The following DNAJC24 variants were observed in gnomAD, a reference collection of about 807,000 sequenced individuals.
The protein encoded by DNAJC24 is dnaJ homolog subfamily C member 24.
DNAJC24 carries 17 observed loss-of-function variants against 18.0 expected under a neutral mutation model. That is an observed-to-expected ratio of 0.94 (90% CI 0.65 to 1.42). DNAJC24 has a LOEUF of 1.42. Among genes scored for constraint, DNAJC24 ranks in the 40% most tolerant of loss-of-function variants. The pLI, the probability that DNAJC24 is intolerant of heterozygous loss-of-function variation, is 0.00. For missense variants in DNAJC24, 158 were observed against 175.6 expected, an observed-to-expected ratio of 0.90 and a Z score of 0.57; for synonymous variants, 55 against 57.7, an observed-to-expected ratio of 0.95 and a Z score of 0.21.
chr11:31,426,646 C>T (rs1374621089), intron 4 of DNAJC24: 6 of 259,644 alleles, frequency 2.3e-5, no homozygotes, highest in Non-Finnish European at 7.2e-6. Context: ...TTAGTTTTTG[C>T]ATTACTGTCT....
intron 2 of DNAJC24, among the ~76,000 whole-genome samples, chr11:31,406,673 T>C (rs1428584535): frequency 6.6e-6 from 1 of 152,162 alleles, no homozygotes; most frequent in African/African-American, 2.4e-5. Flanking sequence ...CAGAGTTATG[T>C]TGAGTGACTT....
At chr11:31,379,934 C>A (rs964619268) in intron 2 of DNAJC24, among the ~76,000 whole-genome samples, 2 of 151,142 alleles carry the variant, frequency 1.3e-5, no homozygotes, top group African/African-American at 4.9e-5. Context: ...ATTTTTTTTT[C>A]TTTTTTTGTA....
chr11:31,421,602 C>G (rs1591921478), intron 3 of DNAJC24, among the ~76,000 whole-genome samples: 1 of 151,990 alleles, frequency 6.6e-6, no homozygotes, highest in East Asian at 1.9e-4. Context: ...TCCCCTGTAG[C>G]TTTTTGTTGC....
At chr11:31,386,007 A>G (rs1462887040) in intron 2 of DNAJC24, among the ~76,000 whole-genome samples, 1 of 152,168 alleles carries the variant, frequency 6.6e-6, no homozygotes, top group African/African-American at 2.4e-5. Flanking sequence ...GCGGAAAGCA[A>G]CACTTGGCAG....
chr11:31,395,395 C>A (rs1952535019), intron 2 of DNAJC24, among the ~76,000 whole-genome samples: 3 of 152,046 alleles, frequency 2.0e-5, no homozygotes, highest in Admixed American at 1.3e-4. Flanking sequence ...GATTTATAGT[C>A]CATTGGTTTT....
chr11:31,427,640 AGTTT>A (rs1263674011), intron 4 of DNAJC24: 5 of 152,092 alleles, frequency 3.3e-5, no homozygotes, highest in African/African-American at 1.2e-4. Flanking sequence ...TTGAAAATAT[AGTTT>A]GTCTCCTTAT....
intron 1 of DNAJC24, 91 bp from the exon 2 acceptor site, chr11:31,370,625 C>T: frequency 1.8e-6 from 1 of 553,852 alleles, no homozygotes; most frequent in Non-Finnish European, 3.2e-6. Context: ...ATTTACTCGA[C>T]TAAATACTAA....
rs1220932674 is a variant in DNAJC24, at chr11:31,406,222, A to G, written c.112-8589A>G. ...CATTGGGCTGAAGCATTTTCATATC[A>G]TTTTTTCATAGTTTCAATGTAATAG... On this transcript the variant is annotated intron_variant, in intron 2 of 4. Transcript: ENST00000465995. Among the ~76,000 whole-genome samples, 9 of 151,968 alleles carry G rather than the reference A, an allele frequency of 5.9e-5. No homozygotes were observed. In the East Asian group the frequency reaches 9.6e-4, roughly 16 times the overall value.
At chr11:31,406,074 G>A (rs1028159994) in intron 2 of DNAJC24, among the ~76,000 whole-genome samples, 4 of 152,066 alleles carry the variant, frequency 2.6e-5, no homozygotes, top group Non-Finnish European at 5.9e-5. Flanking sequence ...TTGGGCACAC[G>A]TTCAAATCAT....
chr11:31,378,860 C>T (rs1952346375), intron 2 of DNAJC24, among the ~76,000 whole-genome samples: 1 of 152,088 alleles, frequency 6.6e-6, no homozygotes, highest in Non-Finnish European at 1.5e-5. Flanking sequence ...CTTATCATGC[C>T]TGATTATTAG....
intron 2 of DNAJC24, among the ~76,000 whole-genome samples, chr11:31,377,144 G>C (rs1056586684): frequency 6.6e-6 from 1 of 151,980 alleles, no homozygotes; most frequent in Admixed American, 6.6e-5. Context: ...AAAGGCACAC[G>C]TATTACATGT....
intron 4 of DNAJC24, chr11:31,427,776 T>C (rs1349491037): frequency 1.3e-5 from 2 of 151,890 alleles, no homozygotes; most frequent in Admixed American, 6.6e-5. Flanking sequence ...CTGGTTTTTA[T>C]AAATTTTTTT....
chr11:31,420,659 C>T (rs1319592917), intron 3 of DNAJC24, among the ~76,000 whole-genome samples: 2 of 152,058 alleles, frequency 1.3e-5, no homozygotes, highest in African/African-American at 4.8e-5. Flanking sequence ...TGTTTAACAA[C>T]CTTGTGAGGA....
rs1328074695 is a variant in DNAJC24, at chr11:31,369,913, G to A, written c.-34+1G>A. The A allele has an allele frequency of 6.6e-6, 1 of 152,588 alleles. No individual in the cohort carries two copies. Among genetic ancestry groups the A allele is most frequent in the Admixed American group, 6.5e-5 (1 of 15,282 alleles). 9.5% of individuals were successfully genotyped at this position (152,588 alleles called of 1,614,324 possible). On this transcript the variant is annotated splice_donor_variant, in intron 1 of 4. Transcript: ENST00000465995. LOFTEE classifies it low-confidence loss of function (5UTR_SPLICE). ...GGTAGCAGCGCCTATGTGAAGTTAG[G>A]TAGGTCTGATGTCGTATAAAGCGCG...
intron 3 of DNAJC24, among the ~76,000 whole-genome samples, chr11:31,421,037 G>C (rs1952799033): frequency 6.6e-6 from 1 of 152,138 alleles, no homozygotes; most frequent in Non-Finnish European, 1.5e-5. Flanking sequence ...TTTTTCTTCA[G>C]TGTGGAAAGC....
chr11:31,394,555 TA>T, intron 2 of DNAJC24, among the ~76,000 whole-genome samples: 2 of 151,884 alleles, frequency 1.3e-5, no homozygotes, highest in Admixed American at 1.3e-4. Flanking sequence ...TTGATATTTA[TA>T]AAATAAAAAC....
intron 3 of DNAJC24, 195 bp downstream of exon 3, chr11:31,415,144 C>T (rs1212844249): frequency 3.2e-5 from 16 of 505,552 alleles, no homozygotes; most frequent in Non-Finnish European, 4.5e-5. Flanking sequence ...GTTAACAAAA[C>T]TACTAGGATG....
chr11:31,387,390 C>T (rs1485276400), intron 2 of DNAJC24, among the ~76,000 whole-genome samples: 3 of 152,094 alleles, frequency 2.0e-5, no homozygotes, highest in South Asian at 4.1e-4. Flanking sequence ...CAGCTCCAGG[C>T]AGCTTAGCAC....
chr11:31,376,075 A>AATCTG (rs1952311315), intron 2 of DNAJC24, among the ~76,000 whole-genome samples: 17,824 of 113,802 alleles, frequency 0.16, 3,078 homozygotes, highest in Non-Finnish European at 0.24. Flanking sequence ...GGGTTCCCCC[A>AATCTG]TATTGTTCTC....
Sources: allele counts gnomAD v4.1 joint callset (sites outside exome capture counted in the v4.1 genomes callset), GRCh38; gene constraint gnomAD v4.1.1; transcripts MANE v1.5; gene names NCBI Gene and HGNC (gene_info 2026-07-23, HGNC 2026-07-21).